EP400: variants seen among roughly 807,000 people sequenced by gnomAD.
EP400 encodes E1A binding protein p400.
In EP400, 105 loss-of-function variants were observed where a neutral mutation model predicts 354.1. The observed-to-expected ratio is 0.30, with a 90% confidence interval of 0.25 to 0.35. The LOEUF is 0.35. Among genes scored for constraint, EP400 ranks in the 10% least tolerant of loss-of-function variants. The probability of loss-of-function intolerance (pLI) is 1.00; values close to 1 mark genes in which losing one functional copy is unlikely to be tolerated. For missense variants in EP400, 3,280 were observed against 4,121.0 expected (o/e 0.80, Z 5.59); for synonymous variants, 1,646 against 1,716.9 (o/e 0.96, Z 1.02).
intron 2 of EP400, among the ~76,000 whole-genome samples, chr12:131,970,079 A>T (rs1324660992): frequency 2.6e-5 from 4 of 152,142 alleles, no homozygotes; most frequent in African/African-American, 9.7e-5. Flanking sequence ...AAAAGAAGAT[A>T]ACTCTTAAGT....
At position 132,060,125 on chromosome 12, in the gene EP400, T is replaced by C. The variant is rs533410160; in HGVS notation, c.7885-1985T>C. ...ATGTTTAGAAAGTATATAGAGAACTTTTAGAAAAGTCTGATTACCAAAACT... is the reference window on the plus strand; with the variant it reads ...ATGTTTAGAAAGTATATAGAGAACTCTTAGAAAAGTCTGATTACCAAAACT... On this transcript the variant is annotated intron_variant, in intron 45 of 52. Coordinates refer to ENST00000389561, the MANE Select transcript of EP400 (RefSeq NM_015409.5). 2.0e-4 allele frequency among the ~76,000 whole-genome samples: 31 copies of C among 152,228 alleles called. No homozygotes were observed. In the South Asian group the frequency reaches 4.1e-3, roughly 20 times the overall value.
chr12:132,029,693 C>T lies in EP400; in HGVS notation c.5382-8C>T, dbSNP rs894693941. 24 of 1,609,410 alleles carry T rather than the reference C, an allele frequency of 1.5e-5. No individual in the cohort carries two copies. The highest frequency in any genetic ancestry group is 2.0e-5 in the Non-Finnish European group (24 of 1,177,946). Reference sequence around the variant, plus strand: ...TGGTGGTGACAAAACATGCTTTCTGCTCCTCAGGGTGGCCTTTGTGATTCC... The same window carrying T: ...TGGTGGTGACAAAACATGCTTTCTGTTCCTCAGGGTGGCCTTTGTGATTCC... On this transcript the variant is annotated splice_region_variant and splice_polypyrimidine_tract_variant and intron_variant, in intron 27 of 52. Transcript: ENST00000389561. This position sits in a 1 kb window ranked among gnomAD's most constrained non-coding sequence, Gnocchi z 4.7.
At chr12:131,997,492 G>A (rs1347239547) in intron 12 of EP400, among the ~76,000 whole-genome samples, 1 of 152,078 alleles carries the variant, frequency 6.6e-6, no homozygotes, top group Non-Finnish European at 1.5e-5. Flanking sequence ...CTGGGCTCAA[G>A]CGAGCCTCCC....
chr12:132,058,501 G>A (rs1245393475), intron 45 of EP400, among the ~76,000 whole-genome samples: 6 of 150,634 alleles, frequency 4.0e-5, no homozygotes, highest in Non-Finnish European at 5.9e-5. Context: ...ACAGGTGCCC[G>A]CCACCGTACC....
intron 2 of EP400, among the ~76,000 whole-genome samples, chr12:131,970,752 G>T (rs1228089629): frequency 2.0e-5 from 3 of 152,146 alleles, no homozygotes; most frequent in Non-Finnish European, 2.9e-5. Context: ...GATATAATTG[G>T]CAAATAAAAT....
intron 7 of EP400, 93 bp downstream of exon 7, chr12:131,987,983 CTTTTTTTTTTT>C (rs778740521): frequency 3.3e-4 from 89 of 268,726 alleles, no homozygotes; most frequent in Admixed American, 2.3e-3. Context: ...TCCAGACCCA[CTTTTTTTTTTT>C]TTTTTTTTTT....
rs1472087796 is a variant in EP400 at position 132,052,036 on chromosome 12, T to C, written c.7395-1110T>C. 2.0e-5 allele frequency among the ~76,000 whole-genome samples: 3 copies of C among 152,212 alleles called. No homozygotes were observed. Among genetic ancestry groups the C allele is most frequent in the African/African-American group, 7.2e-5 (3 of 41,454 alleles). On this transcript the variant is annotated intron_variant, in intron 41 of 52. Coordinates refer to ENST00000389561, the MANE Select transcript of EP400 (RefSeq NM_015409.5). This position sits in a 1 kb window ranked among gnomAD's most constrained non-coding sequence, Gnocchi z 4.4. ...TGTGTCCTCTCAGCTCCTATCTCTG[T>C]ATGGCCTGGCTTTTCCTAGGTTATG...
chr12:132,039,926 G>A (rs986304315), intron 32 of EP400, among the ~76,000 whole-genome samples: 6 of 152,224 alleles, frequency 3.9e-5, no homozygotes, highest in African/African-American at 1.4e-4. Flanking sequence ...TGTAGTCCCA[G>A]CTACTGGGGT....
rs373513824 is a variant in EP400 at position 131,960,904 on chromosome 12, G to A, written c.285G>A (p.Pro95=). 7 of 1,613,896 alleles carry A rather than the reference G, an allele frequency of 4.3e-6. No individual in the cohort carries two copies. Among genetic ancestry groups the A allele is most frequent in the Non-Finnish European group, 5.1e-6 (6 of 1,180,024 alleles). ...AGCAGATCACACTGGCCCCACTGCC[G>A]CTCCCCAGCCCCACCTCTCCAGGCT... ...GNQQITLAPL[P]LPSPTSPGFQ... is the part of the protein sequence containing the mutation. Residue 95 remains proline, a synonymous_variant, in exon 2 of 53, where the codon CCG becomes CCA. Coordinates refer to ENST00000389561, the MANE Select transcript of EP400 (RefSeq NM_015409.5).
At chr12:132,016,039 A>G (rs564144240) in intron 19 of EP400, among the ~76,000 whole-genome samples, 215 of 152,328 alleles carry the variant, frequency 1.4e-3, no homozygotes, top group Non-Finnish European at 2.0e-3. Flanking sequence ...AGCCAGGGCA[A>G]GTTGCCTTTC....
intron 41 of EP400, 91 bp from the exon 42 acceptor site, chr12:132,053,055 G>A (rs774107060): frequency 9.4e-6 from 13 of 1,384,162 alleles, no homozygotes; most frequent in Non-Finnish European, 2.1e-6. Context: ...AGCTGCCCCA[G>A]CACCTGGCAG....
intron 12 of EP400, among the ~76,000 whole-genome samples, chr12:131,995,924 C>A (rs543549161): frequency 4.6e-5 from 7 of 151,920 alleles, no homozygotes; most frequent in African/African-American, 1.7e-4. Flanking sequence ...TGTGTGAGAA[C>A]TTCATACGAA....
intron 45 of EP400, among the ~76,000 whole-genome samples, chr12:132,057,420 T>A (rs1895549510): frequency 6.6e-6 from 1 of 152,222 alleles, no homozygotes; most frequent in Non-Finnish European, 1.5e-5. Flanking sequence ...AAGCTTCATA[T>A]GCTGTATGAC....
intron 43 of EP400, 28 bp downstream of exon 43, chr12:132,053,625 C>G (rs1895382898): frequency 6.7e-7 from 1 of 1,492,480 alleles, no homozygotes; most frequent in African/African-American, 1.4e-5. Context: ...CCCGGGCTTC[C>G]CCTCTACGGG....
At chr12:131,984,026 G>A (rs1263977853) in intron 5 of EP400, among the ~76,000 whole-genome samples, 2 of 151,818 alleles carry the variant, frequency 1.3e-5, no homozygotes, top group Non-Finnish European at 2.9e-5. Context: ...CTCAGCTCCC[G>A]AGTAGCTGGG....
Position 132,077,923 on chromosome 12 carries a change from T to A in EP400, c.*250T>A, listed in dbSNP as rs1241515507. The A allele has an allele frequency of 3.8e-6, 2 of 529,264 alleles. No homozygotes were observed. Among genetic ancestry groups the A allele is most frequent in the African/African-American group, 3.8e-5 (2 of 52,738 alleles). The allele number at this position is 529,264 out of a possible 1,614,324, so 32.8% of individuals were successfully genotyped here. A position where few individuals can be genotyped will look rare whatever the true frequency, so the allele number is the denominator to read the frequency against. On this transcript the variant is annotated 3_prime_UTR_variant, in exon 53 of 53. Transcript: ENST00000389561. The stretch of plus-strand genomic sequence containing the variant: ...TGACAACATGGCTTCCTCTAAATCA[T>A]TTCACCTTTCAGTCCCCACCCGCAC...
chr12:132,021,879 G>T (rs1894133250), intron 23 of EP400, among the ~76,000 whole-genome samples: 1 of 152,146 alleles, frequency 6.6e-6, no homozygotes, highest in Non-Finnish European at 1.5e-5. Context: ...AGAACATTTT[G>T]CTGTGTCCAG....
At position 131,962,054 on chromosome 12, in the gene EP400, C is replaced by CT; in HGVS notation, c.1335+101dup. 2.1e-6 allele frequency: 3 copies of CT among 1,409,892 alleles called. No homozygotes were observed. The South Asian group carries it at 4.4e-5, about 21-fold the overall frequency. The allele number at this position is 1,409,892 out of a possible 1,614,324, so 87.3% of individuals were successfully genotyped here. On this transcript the variant is annotated intron_variant, in intron 2 of 52. Coordinates refer to ENST00000389561, the MANE Select transcript of EP400 (RefSeq NM_015409.5). ...ATAATTTATTGAGCCTGCGGTATTTCTAAGGTATTTCTAAGGTGTTGGGGC... is the reference window on the plus strand; with the variant it reads ...ATAATTTATTGAGCCTGCGGTATTTCTTAAGGTATTTCTAAGGTGTTGGGGC...
Position 132,018,283 on chromosome 12 carries a change from C to T in EP400, c.4184C>T (p.Ser1395Phe). The T allele has an allele frequency of 6.2e-7, 1 of 1,613,704 alleles. No individual in the cohort carries two copies. The highest frequency in any genetic ancestry group is 8.5e-7 in the Non-Finnish European group (1 of 1,179,916). ...ACTCGTCACGAGGCAGAGTTGCTGT[C>T]TAAGAAAAAGATACCGCGGAAACTC... ...KITRHEAELL[S>F]KKKIPRKLME... The change falls in exon 21 of 53, where the codon TCT (serine) becomes TTT (phenylalanine). Residue 1395 changes from serine to phenylalanine, a missense_variant. Physicochemically the swap from Ser to Phe is radical, Grantham distance 155. Around this residue, in one of 20 missense-constraint regions of EP400, gnomAD observed 342 missense variants for 342.7 expected, o/e 1.00. Coordinates refer to ENST00000389561, the MANE Select transcript of EP400 (RefSeq NM_015409.5). This position sits in a 1 kb window ranked among gnomAD's most constrained non-coding sequence, Gnocchi z 4.0.
Sources: gnomAD v4.1 joint callset for allele counts (sites outside exome capture counted in the v4.1 genomes callset) on GRCh38, gnomAD v4.1.1 for gene constraint, gnomAD v4.1.1 regional missense constraint, Gnocchi (gnomAD v3.1) non-coding constraint, MANE v1.5 for transcripts, NCBI Gene and HGNC (gene_info 2026-07-23, HGNC 2026-07-21) for gene names.